The following FMNL2 variants were observed in gnomAD, a reference collection of about 807,000 sequenced individuals.
FMNL2 encodes the protein formin-like protein 2.
A neutral mutation model predicts 130.2 loss-of-function variants in FMNL2; 51 were observed. The observed-to-expected ratio is 0.39, with a 90% CI of 0.31 to 0.49. The LOEUF (loss-of-function observed/expected upper bound fraction) is 0.49. Among genes scored for constraint, FMNL2 ranks in the 20% least tolerant of loss-of-function variants. The pLI, the probability that FMNL2 is intolerant of heterozygous loss-of-function variation, is 0.85. For missense variants in FMNL2, 977 were observed against 1,316.2 expected (o/e 0.74, Z 3.99); for synonymous variants, 465 against 467.1 (o/e 1.00, Z 0.06).
At chr2:152,380,434 T>C (rs1377745790) in intron 1 of FMNL2, among the ~76,000 whole-genome samples, 1 of 152,246 alleles carries the variant, frequency 6.6e-6, no homozygotes, top group East Asian at 1.9e-4. Flanking sequence ...CATTCCTAAC[T>C]GTGTGTAGTC....
chr2:152,482,864 ACAC>A (rs1690606104), intron 1 of FMNL2, among the ~76,000 whole-genome samples: 1 of 152,152 alleles, frequency 6.6e-6, no homozygotes, highest in East Asian at 1.9e-4. Context: ...CATCAAGTAA[ACAC>A]AGGTTACTGG....
chr2:152,640,815 C>G lies in FMNL2; in HGVS notation c.3070C>G (p.Gln1024Glu). The G allele has an allele frequency of 1.2e-6, 2 of 1,613,458 alleles. No individual in the cohort carries two copies. The highest frequency in any genetic ancestry group is 2.2e-5 in the South Asian group (2 of 90,954). The change falls in exon 25 of 26, where the codon CAG becomes GAG. Residue 1024 changes from glutamine to glutamate, a missense_variant. Gln to Glu is a conservative substitution (Grantham distance 29, BLOSUM62 2). Around this residue, in one of 4 missense-constraint regions of FMNL2, gnomAD observed 168 missense variants for 168.8 expected, o/e 1.00. Coordinates refer to ENST00000288670, the MANE Select transcript of FMNL2 (RefSeq NM_052905.4). ...GTCTCCTTCTCATAAATCAAAGAGG[C>G]AGCAGCAAGAGTTAATTGCAGAATT... is the stretch of plus-strand genomic sequence containing the variant. ...PKSPSHKSKRQQQELIAELRR... is the reference protein window; with the variant it reads ...PKSPSHKSKREQQELIAELRR...
At chr2:152,520,633 A>G (rs984276876) in intron 1 of FMNL2, among the ~76,000 whole-genome samples, 2 of 152,038 alleles carry the variant, frequency 1.3e-5, no homozygotes, top group African/African-American at 4.8e-5. Context: ...TTTTAAAGAC[A>G]GGTTATTGTA....
intron 9 of FMNL2, among the ~76,000 whole-genome samples, chr2:152,595,338 GAGGC>G (rs1697703012): frequency 6.6e-6 from 1 of 152,146 alleles, no homozygotes; most frequent in Non-Finnish European, 1.5e-5. Flanking sequence ...TGTTGCTTTT[GAGGC>G]AGAGTCTTGC....
At chr2:152,512,048 C>T (rs1222463363) in intron 1 of FMNL2, among the ~76,000 whole-genome samples, 1 of 152,090 alleles carries the variant, frequency 6.6e-6, no homozygotes, top group Admixed American at 6.6e-5. Flanking sequence ...AGCCTAGTAC[C>T]TTAATATATT....
At chr2:152,634,920 T>C (rs1682458929) in intron 21 of FMNL2, among the ~76,000 whole-genome samples, 2 of 151,898 alleles carry the variant, frequency 1.3e-5, no homozygotes, top group Admixed American at 1.3e-4. Flanking sequence ...ATGGTGACCA[T>C]GACTTCTTTT....
intron 1 of FMNL2, among the ~76,000 whole-genome samples, chr2:152,521,543 G>A (rs182485729): frequency 4.6e-5 from 7 of 152,018 alleles, no homozygotes; most frequent in African/African-American, 1.7e-4. Context: ...GAATCTATCA[G>A]TGATTCTGAT....
At chr2:152,620,595 A>G (rs1386248698) in intron 15 of FMNL2, among the ~76,000 whole-genome samples, 7 of 152,150 alleles carry the variant, frequency 4.6e-5, no homozygotes, top group Non-Finnish European at 4.4e-5. Flanking sequence ...CTTATTTACA[A>G]TAAAGAACTA....
chr2:152,612,892 G>A (rs1398871960), intron 11 of FMNL2, among the ~76,000 whole-genome samples: 1 of 152,204 alleles, frequency 6.6e-6, no homozygotes, highest in Non-Finnish European at 1.5e-5. Context: ...TTCCAGCTGT[G>A]AAGAATATAG....
intron 25 of FMNL2, chr2:152,643,468 G>T: frequency 1.3e-6 from 2 of 1,536,136 alleles, no homozygotes; most frequent in Non-Finnish European, 1.7e-6. Context: ...GTGGCTCTCG[G>T]TTTTTCTGCG....
Position 152,607,494 on chromosome 2 carries a change from C to G in FMNL2, c.951+81C>G, listed in dbSNP as rs1866115. 6.3e-4 allele frequency: 564 copies of G among 893,386 alleles called. 3 individuals are homozygous for G. In the African/African-American group the frequency reaches 8.6e-3, roughly 14 times the overall value. The allele number at this position is 893,386 out of a possible 1,614,324, so 55.3% of individuals were successfully genotyped here. ...ATACACACACACACACACACACACACACACACACACACATATTTATATTAC... is the reference window on the plus strand; with the variant it reads ...ATACACACACACACACACACACACAGACACACACACACATATTTATATTAC... On this transcript the variant is annotated intron_variant, in intron 10 of 25. Transcript: ENST00000288670.
At position 152,335,567 on chromosome 2, in the gene FMNL2, G is replaced by A. The variant is rs1224967893; in HGVS notation, c.-37G>A. The A allele has an allele frequency of 1.9e-6, 3 of 1,541,602 alleles. No individual in the cohort carries two copies. The highest frequency in any genetic ancestry group is 1.1e-5 in the South Asian group (1 of 86,992). ...TCTGATTTCCGACGCGCACGCTAGG[G>A]GCCCGGAGCAGCCCCCGGCCCCGGC... On this transcript the variant is annotated 5_prime_UTR_variant, in exon 1 of 26. Coordinates refer to ENST00000288670, the MANE Select transcript of FMNL2 (RefSeq NM_052905.4).
chr2:152,442,706 A>G (rs1688117351), intron 1 of FMNL2, among the ~76,000 whole-genome samples: 1 of 152,178 alleles, frequency 6.6e-6, no homozygotes, highest in Non-Finnish European at 1.5e-5. Context: ...AAAGATATCT[A>G]CAAATTTGAC....
rs374946429 is a variant in FMNL2 at position 152,632,063 on chromosome 2, A to G, written c.2606A>G (p.Asn869Ser). 30 of 1,613,288 alleles carry G rather than the reference A, an allele frequency of 1.9e-5. No homozygotes were observed. Among genetic ancestry groups the G allele is most frequent in the Non-Finnish European group, 2.5e-5 (29 of 1,179,584 alleles). Residue 869 changes from asparagine (N) to serine (S), a missense_variant, in exon 21 of 26, where the codon AAT becomes AGT. Asn to Ser is a conservative substitution (Grantham distance 46). Coordinates refer to ENST00000288670, the MANE Select transcript of FMNL2 (RefSeq NM_052905.4). ...RKQTLLHYIS[N>S]VVKEKYHQVS... is the part of the protein sequence containing the mutation. ...CAAACACTGTTGCACTATATATCCA[A>G]TGTGGTGAAAGAAAAATATCACCAA...
chr2:152,535,343 C>A (rs1303979879), intron 2 of FMNL2, among the ~76,000 whole-genome samples: 1 of 152,166 alleles, frequency 6.6e-6, no homozygotes, highest in Admixed American at 6.5e-5. Flanking sequence ...CACTGCCTGC[C>A]TTCCAAAATT....
chr2:152,355,316 C>A (rs1682721449), intron 1 of FMNL2, among the ~76,000 whole-genome samples: 1 of 152,262 alleles, frequency 6.6e-6, no homozygotes, highest in Non-Finnish European at 1.5e-5. Context: ...TAGATGATAT[C>A]TTTTTCATTG....
chr2:152,546,513 C>T (rs1694646286), intron 3 of FMNL2, among the ~76,000 whole-genome samples: 1 of 152,062 alleles, frequency 6.6e-6, no homozygotes, highest in South Asian at 2.1e-4. Context: ...CAAATACCTC[C>T]CACTAGGCCC....
intron 9 of FMNL2, among the ~76,000 whole-genome samples, chr2:152,589,318 C>CA (rs200065412): frequency 3.8e-4 from 43 of 113,294 alleles, no homozygotes; most frequent in South Asian, 1.5e-3. Flanking sequence ...AAAAAACAAA[C>CA]AAAAAAAACA....
chr2:152,627,561 T>C (rs34635042), intron 17 of FMNL2, among the ~76,000 whole-genome samples: 3,581 of 152,332 alleles, frequency 0.024, 51 homozygotes, highest in Middle Eastern at 0.078. Context: ...TACAGTCTGT[T>C]CTGATTTCTG....
Sources: gnomAD v4.1 joint callset for allele counts (sites outside exome capture counted in the v4.1 genomes callset) on GRCh38, gnomAD v4.1.1 for gene constraint, gnomAD v4.1.1 regional missense constraint, MANE v1.5 for transcripts, NCBI Gene and HGNC (gene_info 2026-07-23, HGNC 2026-07-21) for gene names.